Variants in GPATCH11 observed in about 807,000 individuals in gnomAD.
GPATCH11 encodes G patch domain-containing protein 11.
Under a neutral mutation model 44.8 loss-of-function variants are expected in GPATCH11, and 32 were observed. The observed-to-expected ratio is 0.71, with a 90% CI of 0.54 to 0.96. The LOEUF is 0.96. Ranked by LOEUF, GPATCH11 falls within the 40% of genes least tolerant of loss-of-function variation. The probability of loss-of-function intolerance (pLI) is 0.00; values close to 1 mark genes in which losing one functional copy is unlikely to be tolerated. For missense variants in GPATCH11, 324 were observed against 303.1 expected (o/e 1.07, Z -0.51); for synonymous variants, 84 against 94.4 (o/e 0.89, Z 0.64).
intron 2 of GPATCH11, among the ~76,000 whole-genome samples, chr2:37,088,712 A>G (rs909084705): frequency 2.6e-5 from 4 of 152,006 alleles, no homozygotes; most frequent in Admixed American, 1.3e-4. Context: ...TGGAGAGACA[A>G]GGTCTCACTG....
chr2:37,088,336 T>TAA, intron 1 of GPATCH11, 33 bp from the exon 2 acceptor site: 17 of 976,940 alleles, frequency 1.7e-5, no homozygotes, highest in Non-Finnish European at 2.3e-5. Context: ...TCTGATAAAC[T>TAA]AAAAAAAAAA....
chr2:37,094,522 T>C (rs1259224608), intron 7 of GPATCH11, among the ~76,000 whole-genome samples: 1 of 152,224 alleles, frequency 6.6e-6, no homozygotes, highest in African/African-American at 2.4e-5. Flanking sequence ...CAGCTTCAGT[T>C]TGGATGATGA....
intron 1 of GPATCH11, among the ~76,000 whole-genome samples, chr2:37,085,398 T>C (rs1015561816): frequency 4.6e-5 from 7 of 152,198 alleles, no homozygotes; most frequent in African/African-American, 1.4e-4. Context: ...ACTGGGTAAG[T>C]GTTAAACCAT....
intron 1 of GPATCH11, among the ~76,000 whole-genome samples, chr2:37,085,034 C>T (rs896126765): frequency 6.6e-6 from 1 of 152,174 alleles, no homozygotes; most frequent in Non-Finnish European, 1.5e-5. Context: ...CCAAATGCGA[C>T]CACTTGCATT....
At position 37,098,711 on chromosome 2, in the gene GPATCH11, G is replaced by C. The variant is rs1673719893; in HGVS notation, c.*2448G>C. 6.6e-6 allele frequency: 1 copy of C among 152,232 alleles called. No individual in the cohort carries two copies. The highest frequency in any genetic ancestry group is 1.5e-5 in the Non-Finnish European group (1 of 68,054). 9.4% of individuals were successfully genotyped at this position (152,232 alleles called of 1,614,324 possible). On this transcript the variant is annotated 3_prime_UTR_variant, in exon 9 of 9. Transcript: ENST00000674370. ...CTAGTACTAGAACTAGACCGGCTTA[G>C]AGAGTGGGAGATATCCCTCTGTTGT...
At chr2:37,086,336 T>C (rs1323457451) in intron 1 of GPATCH11, among the ~76,000 whole-genome samples, 1 of 152,246 alleles carries the variant, frequency 6.6e-6, no homozygotes, top group Admixed American at 6.5e-5. Flanking sequence ...AGGAAAAAGT[T>C]ATAAAATTAC....
intron 4 of GPATCH11, among the ~76,000 whole-genome samples, chr2:37,091,046 C>T (rs1162872160): frequency 5.9e-5 from 9 of 152,082 alleles, no homozygotes; most frequent in South Asian, 2.1e-4. Context: ...AAGAGTTGGC[C>T]GGGCGTGGTG....
At position 37,099,028 on chromosome 2, in the gene GPATCH11, G is replaced by A. The variant is rs564989828; in HGVS notation, c.*2765G>A. 2.0e-5 allele frequency: 3 copies of A among 152,256 alleles called. No homozygotes were observed. Among genetic ancestry groups the A allele is most frequent in the Admixed American group, 6.5e-5 (1 of 15,288 alleles). The allele number at this position is 152,256 out of a possible 1,614,324, so 9.4% of individuals were successfully genotyped here. On this transcript the variant is annotated 3_prime_UTR_variant, in exon 9 of 9. Coordinates refer to ENST00000674370, the MANE Select transcript of GPATCH11 (RefSeq NM_174931.4). The stretch of plus-strand genomic sequence containing the variant: ...AAAATTTGTTGTAGAACATTAATAC[G>A]AAATTTGAAACTGCAAAACAATGTA...
Position 37,091,709 on chromosome 2 carries a change from A to G in GPATCH11, c.329-207A>G, listed in dbSNP as rs114823686. Among the ~76,000 whole-genome samples, 789 of 152,302 alleles carry G rather than the reference A, an allele frequency of 5.2e-3. 4 individuals are homozygous for G. The highest frequency in any genetic ancestry group is 0.031 in the South Asian group (151 of 4,830). On this transcript the variant is annotated intron_variant, in intron 4 of 8. Coordinates refer to ENST00000674370, the MANE Select transcript of GPATCH11 (RefSeq NM_174931.4). ...TTGAAAAATTGTTTATAATATTACT[A>G]TAAGATGAGATTAACAATCTTTGTA...
intron 1 of GPATCH11, among the ~76,000 whole-genome samples, chr2:37,084,918 G>T (rs1485550984): frequency 6.6e-6 from 1 of 152,082 alleles, no homozygotes. Context: ...CGTTAACTCC[G>T]TTCTTCCATG....
chr2:37,094,664 G>A (rs988087945), intron 7 of GPATCH11, among the ~76,000 whole-genome samples: 4 of 152,094 alleles, frequency 2.6e-5, no homozygotes, highest in African/African-American at 7.2e-5. Flanking sequence ...AATGGAGGCC[G>A]GGCATGGTGG....
At position 37,097,258 on chromosome 2, in the gene GPATCH11, G is replaced by GGGTAGC. The variant is rs1673635680; in HGVS notation, c.*996_*1001dup. ...ACTGCTTTAAAACCATTCCATTACT[G>GGGTAGC]GGTAGCTCTGAATTGTTTTCATTGT... On this transcript the variant is annotated 3_prime_UTR_variant, in exon 9 of 9. Transcript: ENST00000674370. 6.6e-6 allele frequency: 1 copy of GGGTAGC among 152,000 alleles called. No individual in the cohort carries two copies. Among genetic ancestry groups the GGGTAGC allele is most frequent in the Non-Finnish European group, 1.5e-5 (1 of 68,006 alleles). The allele number at this position is 152,000 out of a possible 1,614,324, so 9.4% of individuals were successfully genotyped here.
chr2:37,090,714 T>A lies in GPATCH11; in HGVS notation c.320T>A (p.Ile107Asn), dbSNP rs1303210137. The A allele has an allele frequency of 3.5e-6, 5 of 1,446,068 alleles. No homozygotes were observed. The East Asian group carries it at 7.5e-5, about 22-fold the overall frequency. The allele number at this position is 1,446,068 out of a possible 1,614,324, so 89.6% of individuals were successfully genotyped here. The change falls in exon 4 of 9, where the codon ATC becomes AAC. Residue 107 changes from isoleucine (I) to asparagine (N), a missense_variant. Ile to Asn is a moderately radical substitution (Grantham distance 149). Coordinates refer to ENST00000674370, the MANE Select transcript of GPATCH11 (RefSeq NM_174931.4). Reference protein sequence around the residue: ...GGIVEPIPLNIKTGKSGIGHE... With the variant: ...GGIVEPIPLNNKTGKSGIGHE... Reference sequence around the variant, plus strand: ...ATTGTTGAACCAATTCCTCTCAATATCAAAACAGGTACGTAATTATTTTGG... The same window carrying A: ...ATTGTTGAACCAATTCCTCTCAATAACAAAACAGGTACGTAATTATTTTGG...
rs1051317845 is a variant in GPATCH11 at position 37,091,281 on chromosome 2, G to A, written c.328+559G>A. 5.3e-5 allele frequency among the ~76,000 whole-genome samples: 8 copies of A among 151,130 alleles called. No homozygotes were observed. The East Asian group carries it at 7.8e-4, about 15-fold the overall frequency. ...AGAGATTGCAGTGAGCTAAGATTGC[G>A]CCATTGCACTCCAGCCTGGGCAACA... On this transcript the variant is annotated intron_variant, in intron 4 of 8. Coordinates refer to ENST00000674370, the MANE Select transcript of GPATCH11 (RefSeq NM_174931.4).
At chr2:37,086,709 G>C (rs1398630722) in intron 1 of GPATCH11, among the ~76,000 whole-genome samples, 2 of 152,194 alleles carry the variant, frequency 1.3e-5, no homozygotes, top group Admixed American at 1.3e-4. Context: ...TGAGGCATGA[G>C]AATTGCTTGA....
intron 1 of GPATCH11, 132 bp downstream of exon 1, chr2:37,084,702 T>C (rs1192274257): frequency 4.5e-6 from 3 of 662,640 alleles, no homozygotes; most frequent in Non-Finnish European, 6.4e-6. Flanking sequence ...TGTGGGACGC[T>C]TGCAGCCAGG....
chr2:37,087,375 C>T (rs1345317202), intron 1 of GPATCH11, among the ~76,000 whole-genome samples: 1 of 152,196 alleles, frequency 6.6e-6, no homozygotes, highest in African/African-American at 2.4e-5. Flanking sequence ...TTGTCTTAAG[C>T]AACTGAACTA....
At chr2:37,089,421 G>T (rs1477631484) in intron 2 of GPATCH11, among the ~76,000 whole-genome samples, 1 of 152,068 alleles carries the variant, frequency 6.6e-6, no homozygotes, top group South Asian at 2.1e-4. Flanking sequence ...ACAAAAAATA[G>T]CCGGGCATGG....
chr2:37,084,712 G>T (rs898227434), intron 1 of GPATCH11, 142 bp downstream of exon 1: 5 of 573,052 alleles, frequency 8.7e-6, no homozygotes, highest in African/African-American at 1.9e-5. Context: ...TTGCAGCCAG[G>T]AGGAACGCGT....
Sources: gnomAD v4.1 joint callset for allele counts (sites outside exome capture counted in the v4.1 genomes callset) on GRCh38, gnomAD v4.1.1 for gene constraint, MANE v1.5 for transcripts, NCBI Gene and HGNC (gene_info 2026-07-23, HGNC 2026-07-21) for gene names.